Variants in RAPGEF5 observed in about 807,000 individuals in gnomAD.
The protein encoded by RAPGEF5 is M-Ras-regulated GEF.
In RAPGEF5, 65 loss-of-function variants were observed where a neutral mutation model predicts 125.2. The ratio of observed to expected loss-of-function variants is 0.52; its 90% CI spans 0.43 to 0.64. RAPGEF5 has a LOEUF of 0.64. Among genes scored for constraint, RAPGEF5 ranks in the 30% least tolerant of loss-of-function variants. RAPGEF5 has a pLI of 0.00. For missense variants in RAPGEF5, 958 were observed against 1,048.1 expected (o/e 0.91, Z 1.19); for synonymous variants, 391 against 385.9 (o/e 1.01, Z -0.16).
At chr7:22,338,672 G>C (rs1188612924) in intron 1 of RAPGEF5, among the ~76,000 whole-genome samples, 1 of 152,122 alleles carries the variant, frequency 6.6e-6, no homozygotes, top group African/African-American at 2.4e-5. Context: ...AACATGCTTT[G>C]ACCAATGAAA....
At chr7:22,141,957 T>G (rs1783276453) in intron 20 of RAPGEF5, among the ~76,000 whole-genome samples, 2 of 152,186 alleles carry the variant, frequency 1.3e-5, no homozygotes, top group South Asian at 4.1e-4. Context: ...GTGACTCCCC[T>G]TCATCCTGCT....
chr7:22,132,729 C>T (rs1334141372), intron 23 of RAPGEF5, among the ~76,000 whole-genome samples: 1 of 152,198 alleles, frequency 6.6e-6, no homozygotes, highest in Non-Finnish European at 1.5e-5. Flanking sequence ...CTGCCCCTCA[C>T]CCCTCTTCCT....
intron 9 of RAPGEF5, among the ~76,000 whole-genome samples, chr7:22,199,294 T>C (rs1013610130): frequency 4.6e-5 from 7 of 151,868 alleles, no homozygotes; most frequent in Non-Finnish European, 1.0e-4. Context: ...CCCGAATCAG[T>C]GACCAAGGCA....
At chr7:22,147,943 T>C (rs1783496190) in intron 18 of RAPGEF5, among the ~76,000 whole-genome samples, 1 of 152,204 alleles carries the variant, frequency 6.6e-6, no homozygotes, top group African/African-American at 2.4e-5. Flanking sequence ...TTTAGAAGTT[T>C]TACATTGATG....
intron 1 of RAPGEF5, among the ~76,000 whole-genome samples, chr7:22,351,281 C>A (rs928685710): frequency 5.3e-5 from 8 of 152,088 alleles, no homozygotes; most frequent in Non-Finnish European, 1.2e-4. Context: ...TCCCCTAAAC[C>A]CAATATGTCA....
At chr7:22,314,776 A>G (rs762092059) in intron 3 of RAPGEF5, 1 of 325,926 alleles carries the variant, frequency 3.1e-6, no homozygotes, top group East Asian at 1.7e-4. Context: ...TTTTCTTTAA[A>G]TTGTTCCATA....
chr7:22,325,391 T>C (rs1397206244), intron 1 of RAPGEF5, among the ~76,000 whole-genome samples: 2 of 152,126 alleles, frequency 1.3e-5, no homozygotes, highest in African/African-American at 4.8e-5. Flanking sequence ...AGCATGATAT[T>C]ACCACCTCAA....
intron 19 of RAPGEF5, 110 bp downstream of exon 19, chr7:22,146,787 T>C: frequency 7.6e-7 from 1 of 1,312,138 alleles, no homozygotes; most frequent in Non-Finnish European, 1.0e-6. Flanking sequence ...CAAATATCTT[T>C]TGGACCACGT....
intron 2 of RAPGEF5, 92 bp from the exon 3 acceptor site, chr7:22,315,568 TTTA>T: frequency 1.6e-6 from 1 of 620,956 alleles, no homozygotes; most frequent in Admixed American, 5.8e-5. Flanking sequence ...TATATATATA[TTTA>T]TATATATTCA....
chr7:22,129,757 A>G (rs916313661), intron 24 of RAPGEF5, among the ~76,000 whole-genome samples: 3 of 152,232 alleles, frequency 2.0e-5, no homozygotes, highest in African/African-American at 7.2e-5. Context: ...GAAAAGCACT[A>G]GCCGTGAAGT....
At position 22,161,264 on chromosome 7, in the gene RAPGEF5, G is replaced by C. The variant is rs1353409843; in HGVS notation, c.1429-649C>G. 2.0e-5 allele frequency among the ~76,000 whole-genome samples: 3 copies of C among 151,976 alleles called. No individual in the cohort carries two copies. In the East Asian group the frequency reaches 5.8e-4, roughly 29 times the overall value. ...TAAATAATAGTAATAATATAGGTTG[G>C]GTGTGGTGGCTCAGGCTGTAAATCC... On this transcript the variant is annotated intron_variant, in intron 13 of 25. Transcript: ENST00000665637.
chr7:22,156,835 T>TGTGGCTACAAAAAATGTTGAGCCGTA lies in RAPGEF5; in HGVS notation c.1610_1611insTACGGCTCAACATTTTTTGTAGCCAC (p.Arg537SerfsTer8). 1 of 1,613,928 alleles carries TGTGGCTACAAAAAATGTTGAGCCGTA rather than the reference T, an allele frequency of 6.2e-7. No homozygotes were observed. Among genetic ancestry groups the TGTGGCTACAAAAAATGTTGAGCCGTA allele is most frequent in the Non-Finnish European group, 8.5e-7 (1 of 1,179,854 alleles). ...TTTCCTCCGTTTCAGTCACAGTTCC[T>TGTGGCTACAAAAAATGTTGAGCCGTA]CTATGCTGGAGCCAGTTCTCCTTAA... On this transcript the variant is annotated stop_gained and frameshift_variant, in exon 16 of 26. Coordinates refer to ENST00000665637, the MANE Select transcript of RAPGEF5 (RefSeq NM_012294.5). LOFTEE classifies it high-confidence loss of function.
intron 7 of RAPGEF5, among the ~76,000 whole-genome samples, chr7:22,266,293 G>A (rs572034762): frequency 6.6e-6 from 1 of 151,978 alleles, no homozygotes; most frequent in Non-Finnish European, 1.5e-5. Context: ...ACCTCCTCCC[G>A]CAGCAAAGGA....
At chr7:22,151,052 T>A (rs1783610395) in intron 17 of RAPGEF5, among the ~76,000 whole-genome samples, 2 of 152,242 alleles carry the variant, frequency 1.3e-5, no homozygotes, top group South Asian at 4.1e-4. Context: ...TTTAATTGGT[T>A]ATATGATAGT....
At chr7:22,209,431 A>G (rs1297277880) in intron 9 of RAPGEF5, among the ~76,000 whole-genome samples, 3 of 152,164 alleles carry the variant, frequency 2.0e-5, no homozygotes, top group African/African-American at 4.8e-5. Context: ...CGTATCCTAC[A>G]GTTTTTACTT....
At chr7:22,282,470 C>A (rs147001634) in intron 6 of RAPGEF5, among the ~76,000 whole-genome samples, 1 of 152,180 alleles carries the variant, frequency 6.6e-6, no homozygotes, top group South Asian at 2.1e-4. Flanking sequence ...ACATTCCCTA[C>A]CCAACCTGTT....
chr7:22,176,751 A>G (rs1287308775), intron 11 of RAPGEF5, among the ~76,000 whole-genome samples: 1 of 152,132 alleles, frequency 6.6e-6, no homozygotes, highest in Non-Finnish European at 1.5e-5. Context: ...GGCTGGTCCC[A>G]AACTCCTGAC....
At chr7:22,294,467 G>A (rs1181986384) in intron 5 of RAPGEF5, among the ~76,000 whole-genome samples, 1 of 152,172 alleles carries the variant, frequency 6.6e-6, no homozygotes, top group Admixed American at 6.5e-5. Context: ...GGGTGTCACT[G>A]TGAGGATGCA....
chr7:22,355,953 T>C, intron 1 of RAPGEF5: 1 of 984,934 alleles, frequency 1.0e-6, no homozygotes, highest in Non-Finnish European at 1.2e-6. Flanking sequence ...TAATAATAAA[T>C]TTTTAAAAGA....
Sources: gnomAD v4.1 joint callset for allele counts (sites outside exome capture counted in the v4.1 genomes callset) on GRCh38, gnomAD v4.1.1 for gene constraint, MANE v1.5 for transcripts, NCBI Gene and HGNC (gene_info 2026-07-23, HGNC 2026-07-21) for gene names.